The following PRSS23 variants were observed in gnomAD, a reference collection of about 807,000 sequenced individuals.
The protein encoded by PRSS23 is protease, serine 23.
A neutral mutation model predicts 34.7 loss-of-function variants in PRSS23; 25 were observed. That is an observed-to-expected ratio of 0.72 (90% CI 0.53 to 1.01). The LOEUF (loss-of-function observed/expected upper bound fraction) is 1.01. Ranked by LOEUF, PRSS23 falls within the 50% of genes least tolerant of loss-of-function variation. The pLI is 0.00. For synonymous variants in PRSS23, 176 were observed against 186.6 expected (o/e 0.94, Z 0.46); for missense variants, 445 against 475.6 (o/e 0.94, Z 0.60).
At chr11:86,901,241 T>C (rs146460887) in intron 2 of PRSS23, among the ~76,000 whole-genome samples, 6 of 152,154 alleles carry the variant, frequency 3.9e-5, no homozygotes, top group African/African-American at 1.4e-4. Context: ...TGATGGAGAG[T>C]AAACCTCATG....
chr11:86,834,481 A>G (rs1220553693), intron 2 of PRSS23, among the ~76,000 whole-genome samples: 1 of 151,040 alleles, frequency 6.6e-6, no homozygotes, highest in Admixed American at 6.6e-5. Flanking sequence ...TTTGGCTTCA[A>G]TATCTGCTTG....
chr11:86,847,409 T>C (rs1199658698), intron 2 of PRSS23, among the ~76,000 whole-genome samples: 2 of 152,128 alleles, frequency 1.3e-5, no homozygotes, highest in African/African-American at 2.4e-5. Context: ...TAGTAGTCAA[T>C]GGGTGCATGG....
chr11:86,875,910 A>G (rs1411340214), intron 2 of PRSS23, among the ~76,000 whole-genome samples: 1 of 152,348 alleles, frequency 6.6e-6, no homozygotes, highest in African/African-American at 2.4e-5. Context: ...AGTTGATTGA[A>G]AAGTACTTCT....
At chr11:86,855,742 C>T (rs2134925187) in intron 2 of PRSS23, among the ~76,000 whole-genome samples, 1 of 152,330 alleles carries the variant, frequency 6.6e-6, no homozygotes, top group South Asian at 2.1e-4. Flanking sequence ...CTCAAGTGAT[C>T]CGTCTGATCT....
At chr11:86,827,181 G>C (rs1016300658) in intron 2 of PRSS23, among the ~76,000 whole-genome samples, 1 of 152,142 alleles carries the variant, frequency 6.6e-6, no homozygotes, top group Non-Finnish European at 1.5e-5. Flanking sequence ...GCCTGTTATT[G>C]GTCTATACAG....
intron 2 of PRSS23, among the ~76,000 whole-genome samples, chr11:86,869,187 G>T (rs1948669231): frequency 6.6e-6 from 1 of 152,190 alleles, no homozygotes; most frequent in Non-Finnish European, 1.5e-5. Context: ...GAGAAGAAAA[G>T]TAGGTAGACA....
In PRSS23 at chr11:86,885,292, C is replaced by T. The variant is rs542720764; in HGVS notation, c.206+61699C>T. 3.3e-5 allele frequency among the ~76,000 whole-genome samples: 5 copies of T among 152,300 alleles called. No homozygotes were observed. The South Asian group carries it at 8.3e-4, about 25-fold the overall frequency. On this transcript the variant is annotated intron_variant, in intron 2 of 2. Transcript: ENST00000533902. ...AGCACAGAAACCTGAAGCCCTTTCC[C>T]GGCACTGTGATGGAATAATATTATG...
intron 2 of PRSS23, among the ~76,000 whole-genome samples, chr11:86,850,710 A>G (rs2555535): frequency 0.19 from 28,685 of 152,018 alleles, 2,952 homozygotes; most frequent in East Asian, 0.3. Flanking sequence ...AGTGGATCTT[A>G]TCTATGCTCC....
At chr11:86,931,234 G>A (rs920436765) in intron 2 of PRSS23, among the ~76,000 whole-genome samples, 1 of 151,964 alleles carries the variant, frequency 6.6e-6, no homozygotes, top group African/African-American at 2.4e-5. Flanking sequence ...TTCATTCTTG[G>A]GTATTTATCC....
chr11:86,910,000 G>A (rs923789616), intron 2 of PRSS23: 1 of 152,194 alleles, frequency 6.6e-6, no homozygotes, highest in Non-Finnish European at 1.5e-5. Context: ...TTGGAGACAG[G>A]ATTCTTCAAA....
downstream of PRSS23, among the ~76,000 whole-genome samples, chr11:86,813,504 G>T (rs1948194585): frequency 1.3e-5 from 2 of 152,130 alleles, no homozygotes; most frequent in African/African-American, 4.8e-5. Flanking sequence ...TACAGTCAAA[G>T]GACTTTAAGT....
At chr11:86,951,955 A>G in exon 3 of PRSS23, 2 of 1,613,750 alleles carry the variant, frequency 1.2e-6, no homozygotes, top group Non-Finnish European at 1.7e-6. Flanking sequence ...CAATATAAGC[A>G]ATGCTATAAA....
chr11:86,826,613 G>A (rs1373080468), intron 2 of PRSS23, among the ~76,000 whole-genome samples: 1 of 152,194 alleles, frequency 6.6e-6, no homozygotes, highest in Admixed American at 6.5e-5. Flanking sequence ...CATTCAGTAT[G>A]ATATTGGCTG....
At chr11:86,821,273 G>A (rs778420630) in intron 1 of PRSS23, 6 of 533,080 alleles carry the variant, frequency 1.1e-5, no homozygotes, top group African/African-American at 7.9e-5. Flanking sequence ...ACACAAAAAT[G>A]TTTCCTTTTC....
intron 2 of PRSS23, among the ~76,000 whole-genome samples, chr11:86,863,490 G>A (rs1948629665): frequency 6.6e-6 from 1 of 152,130 alleles, no homozygotes; most frequent in Non-Finnish European, 1.5e-5. Flanking sequence ...ATTCAGGATG[G>A]GGGCCAAGAA....
At chr11:86,879,563 C>G (rs1302173246) in intron 2 of PRSS23, among the ~76,000 whole-genome samples, 3,919 of 100,106 alleles carry the variant, frequency 0.039, 21 homozygotes, top group Non-Finnish European at 0.05. Flanking sequence ...GTCAGCCCCC[C>G]GCCCGGCCAG....
At chr11:86,865,872 A>C (rs1209179825) in intron 2 of PRSS23, among the ~76,000 whole-genome samples, 1 of 152,230 alleles carries the variant, frequency 6.6e-6, no homozygotes, top group Non-Finnish European at 1.5e-5. Flanking sequence ...CAGCTTACAC[A>C]AAGTCCTTTG....
At chr11:86,801,291 G>T (rs1297448480) in intron 1 of PRSS23, among the ~76,000 whole-genome samples, 2 of 152,174 alleles carry the variant, frequency 1.3e-5, no homozygotes, top group African/African-American at 4.8e-5. Context: ...CATTCATCAC[G>T]AGTTAACTTT....
Position 86,835,323 on chromosome 11 carries a change from C to T in PRSS23, c.206+11730C>T, listed in dbSNP as rs776724009. Among the ~76,000 whole-genome samples, 11 of 152,214 alleles carry T rather than the reference C, an allele frequency of 7.2e-5. No homozygotes were observed. The East Asian group carries it at 7.7e-4, about 11-fold the overall frequency. ...GTAAACAATGAGGCCAACCTTTTGC[C>T]GCTACATCAATTTCCTTACTCAGGT... On this transcript the variant is annotated intron_variant, in intron 2 of 2. Coordinates refer to the PRSS23 transcript ENST00000533902.
Sources: gnomAD v4.1 joint callset for allele counts (sites outside exome capture counted in the v4.1 genomes callset) on GRCh38, gnomAD v4.1.1 for gene constraint, MANE v1.5 for transcripts, NCBI Gene and HGNC (gene_info 2026-07-23, HGNC 2026-07-21) for gene names.